The following BCL11B variants were observed in gnomAD, a reference collection of about 807,000 sequenced individuals.
The protein encoded by BCL11B is B-cell lymphoma/leukemia 11B.
BCL11B carries 8 observed loss-of-function variants against 49.9 expected under a neutral mutation model. That is an observed-to-expected ratio of 0.16 (90% CI 0.09 to 0.29). The LOEUF (loss-of-function observed/expected upper bound fraction) is 0.29. BCL11B is among the 10% of genes least tolerant of loss of function. The probability of loss-of-function intolerance (pLI) is 1.00; values close to 1 mark genes in which losing one functional copy is unlikely to be tolerated. For missense variants in BCL11B, 1,006 were observed against 1,351.0 expected (o/e 0.74, Z 4.00); for synonymous variants, 739 against 637.4 (o/e 1.16, Z -2.40).
chr14:99,221,586 C>A (rs1888009997), intron 3 of BCL11B, among the ~76,000 whole-genome samples: 2 of 152,276 alleles, frequency 1.3e-5, no homozygotes, highest in Admixed American at 1.3e-4. Context: ...GCGGGAGGGG[C>A]AGGCCAGGAC....
intron 3 of BCL11B, among the ~76,000 whole-genome samples, chr14:99,181,692 G>A (rs1886708303): frequency 6.6e-6 from 1 of 152,200 alleles, no homozygotes; most frequent in Admixed American, 6.5e-5. Flanking sequence ...GTTTCACAGA[G>A]CGAGCAAGCG....
chr14:99,220,002 C>A lies in BCL11B; in HGVS notation c.640+11343G>T, dbSNP rs562208251. Among the ~76,000 whole-genome samples the A allele has an allele frequency of 3.9e-5, 6 of 152,204 alleles. No individual in the cohort carries two copies. The East Asian group carries it at 9.7e-4, about 25-fold the overall frequency. ...ATTCAAACCGCCCTCAGGTTTATTA[C>A]CCACCTAACTTGGACCAGTTGTTGC... is the stretch of plus-strand genomic sequence containing the variant. On this transcript the variant is annotated intron_variant, in intron 3 of 3. Coordinates refer to ENST00000357195, the MANE Select transcript of BCL11B (RefSeq NM_138576.4).
intron 3 of BCL11B, among the ~76,000 whole-genome samples, chr14:99,204,936 G>A (rs1887491104): frequency 6.6e-6 from 1 of 152,150 alleles, no homozygotes; most frequent in Non-Finnish European, 1.5e-5. Flanking sequence ...CATGTAACTT[G>A]GGGCCTAAAT....
chr14:99,174,810 G>A lies in BCL11B; in HGVS notation c.2026C>T (p.Leu676=), dbSNP rs757984083. 10 of 1,414,406 alleles carry A rather than the reference G, an allele frequency of 7.1e-6. No homozygotes were observed. Among genetic ancestry groups the A allele is most frequent in the Non-Finnish European group, 8.3e-6 (9 of 1,085,054 alleles). The allele number at this position is 1,414,406 out of a possible 1,614,324, so 87.6% of individuals were successfully genotyped here. The change falls in exon 4 of 4, where the codon CTG becomes TTG. Residue 676 remains leucine (L), a synonymous_variant. Coordinates refer to ENST00000357195, the MANE Select transcript of BCL11B (RefSeq NM_138576.4). ...GCGCTGTTGAGCCCGGGGCTGGGCA[G>A]CGGCGCGGGCTTGCGCGGGAAGAGC... ...PGLFPRKPAP[L]PSPGLNSAAK...
intron 3 of BCL11B, among the ~76,000 whole-genome samples, chr14:99,211,681 C>A (rs1277263411): frequency 6.6e-6 from 1 of 152,194 alleles, no homozygotes; most frequent in Admixed American, 6.5e-5. Context: ...CTTCTCAGGG[C>A]TGCACCTGAC....
At position 99,192,831 on chromosome 14, in the gene BCL11B, CAATA is replaced by C. The variant is rs1357928591; in HGVS notation, c.641-16640_641-16637del. Among the ~76,000 whole-genome samples, 1 of 151,866 alleles carries C rather than the reference CAATA, an allele frequency of 6.6e-6. No individual in the cohort carries two copies. The highest frequency in any genetic ancestry group is 1.5e-5 in the Non-Finnish European group (1 of 68,006). On this transcript the variant is annotated intron_variant, in intron 3 of 3. Transcript: ENST00000357195. The surrounding 1 kb of genome is among the most constrained non-coding windows in gnomAD (Gnocchi z 4.0). ...AAGAGTCCTGCCTCTGGTCAGTGCT[CAATA>C]GAGAATGCTATTTAATGATCAAAAT... is the stretch of plus-strand genomic sequence containing the variant.
intron 3 of BCL11B, among the ~76,000 whole-genome samples, chr14:99,207,238 T>C (rs533969789): frequency 6.6e-6 from 1 of 152,316 alleles, no homozygotes; most frequent in East Asian, 1.9e-4. Context: ...AGACTTCAAA[T>C]TCCTCTTATT....
chr14:99,270,141 T>C (rs894600644), intron 1 of BCL11B, among the ~76,000 whole-genome samples: 2 of 151,958 alleles, frequency 1.3e-5, no homozygotes, highest in Non-Finnish European at 2.9e-5. Flanking sequence ...AAGCTGCTGC[T>C]TGTCTTGCCC....
intron 3 of BCL11B, among the ~76,000 whole-genome samples, chr14:99,208,367 CCA>C (rs1887594098): frequency 6.6e-6 from 1 of 152,188 alleles, no homozygotes. Flanking sequence ...GACCGTTCCT[CCA>C]CAGAGGCCAG....
At chr14:99,217,327 C>G (rs145689518) in intron 3 of BCL11B, among the ~76,000 whole-genome samples, 1 of 151,880 alleles carries the variant, frequency 6.6e-6, no homozygotes, top group Non-Finnish European at 1.5e-5. Flanking sequence ...CACGTGTACA[C>G]GCATGCACAT....
chr14:99,232,008 T>C lies in BCL11B; in HGVS notation c.428-451A>G, dbSNP rs918369860. ...GCCTCCCCTGTTTGCTGTATCAGGA[T>C]GGGCTGTTCCTACAGGCCCGGGACA... On this transcript the variant is annotated intron_variant, in intron 2 of 3. Transcript: ENST00000357195. This position sits in a 1 kb window ranked among gnomAD's most constrained non-coding sequence, Gnocchi z 5.1. 4.6e-5 allele frequency among the ~76,000 whole-genome samples: 7 copies of C among 152,140 alleles called. No homozygotes were observed. The highest frequency in any genetic ancestry group is 1.0e-4 in the Non-Finnish European group (7 of 67,994).
rs968739559 is a variant in BCL11B at position 99,169,335 on chromosome 14, G to C, written c.*4816C>G. The C allele has an allele frequency of 1.6e-5, 3 of 190,686 alleles. No homozygotes were observed. The highest frequency in any genetic ancestry group is 2.2e-5 in the Non-Finnish European group (2 of 90,744). 11.8% of individuals were successfully genotyped at this position (190,686 alleles called of 1,614,324 possible). A position where few individuals can be genotyped will look rare whatever the true frequency, so the allele number is the denominator to read the frequency against. On this transcript the variant is annotated 3_prime_UTR_variant, in exon 4 of 4. Transcript: ENST00000357195. ...AATTTATTTTTATAACTTGAAACCA[G>C]AACAAACTTGGTTTTGAACAAGCGT...
rs547648429 is a variant in BCL11B at position 99,171,003 on chromosome 14, G to A, written c.*3148C>T. On this transcript the variant is annotated 3_prime_UTR_variant, in exon 4 of 4. Transcript: ENST00000357195. Reference sequence around the variant, plus strand: ...TGGTAGAGAAGGAAGATGTTCTCTCGCTCTCTCTCCTCTACATCTGACATC... The same window carrying A: ...TGGTAGAGAAGGAAGATGTTCTCTCACTCTCTCTCCTCTACATCTGACATC... The A allele has an allele frequency of 7.3e-5, 17 of 232,064 alleles. No homozygotes were observed. The highest frequency in any genetic ancestry group is 5.4e-4 in the South Asian group (3 of 5,506). 14.4% of individuals were successfully genotyped at this position (232,064 alleles called of 1,614,324 possible). A position where few individuals can be genotyped will look rare whatever the true frequency, so the allele number is the denominator to read the frequency against.
rs990764552 is a variant in BCL11B at position 99,174,205 on chromosome 14, G to A, written c.2631C>T (p.His877=). Residue 877 remains histidine, a synonymous_variant, in exon 4 of 4, where the codon CAC becomes CAT. Coordinates refer to ENST00000357195, the MANE Select transcript of BCL11B (RefSeq NM_138576.4). ...CGTCGTTAGTCAGCAAGTGCTCGCC[G>A]TGCCACTTTTTCATGTGTTTCTCCA... ...STLEKHMKKW[H]GEHLLTNDVK... The A allele has an allele frequency of 6.2e-7, 1 of 1,613,776 alleles. No homozygotes were observed. Among genetic ancestry groups the A allele is most frequent in the African/African-American group, 1.3e-5 (1 of 75,032 alleles).
chr14:99,224,190 G>A (rs17098424), intron 3 of BCL11B, among the ~76,000 whole-genome samples: 24,052 of 152,204 alleles, frequency 0.16, 1,966 homozygotes, highest in East Asian at 0.18. Context: ...CTACAGCCCA[G>A]TGGGAAGCCA....
intron 3 of BCL11B, among the ~76,000 whole-genome samples, chr14:99,199,685 C>CACGT (rs1887304460): frequency 3.4e-5 from 2 of 58,932 alleles, no homozygotes; most frequent in African/African-American, 7.6e-5. Context: ...TGTGTGTGTG[C>CACGT]GCGCGCGCGC....
intron 3 of BCL11B, among the ~76,000 whole-genome samples, chr14:99,222,080 T>C (rs1888025937): frequency 6.6e-6 from 1 of 152,210 alleles, no homozygotes; most frequent in Non-Finnish European, 1.5e-5. Flanking sequence ...CTGTATCTCA[T>C]GGTTTAGACT....
In BCL11B at chr14:99,174,483, C is replaced by T; in HGVS notation, c.2353G>A (p.Gly785Arg). 6.4e-7 allele frequency: 1 copy of T among 1,571,548 alleles called. No homozygotes were observed. Among genetic ancestry groups the T allele is most frequent in the African/African-American group, 1.4e-5 (1 of 73,478 alleles). Reference sequence around the variant, plus strand: ...CGGCCCTCCTTGGAGCTGGGCCGCCCGGGGCCCGGGCCGCCCAGGTGCGGG... The same window carrying T: ...CGGCCCTCCTTGGAGCTGGGCCGCCTGGGGCCCGGGCCGCCCAGGTGCGGG... ...STPHLGGPGP[G>R]RPSSKEGRRS... The change falls in exon 4 of 4, where the codon GGG becomes AGG. Residue 785 changes from glycine (G) to arginine (R), a missense_variant. This residue lies in a region of BCL11B where 443 missense variants were observed against 499.7 expected (regional missense o/e 0.89). Transcript: ENST00000357195.
chr14:99,238,713 G>A (rs1031453001), intron 2 of BCL11B, among the ~76,000 whole-genome samples: 7 of 152,182 alleles, frequency 4.6e-5, no homozygotes, highest in African/African-American at 1.7e-4. Context: ...GCAGTGTTCC[G>A]AACTACTGAA....
Sources: allele counts gnomAD v4.1 joint callset (sites outside exome capture counted in the v4.1 genomes callset), GRCh38; gene constraint gnomAD v4.1.1; regional missense constraint gnomAD v4.1.1; non-coding constraint Gnocchi (gnomAD v3.1); transcripts MANE v1.5; gene names NCBI Gene and HGNC (gene_info 2026-07-23, HGNC 2026-07-21).